The following FLI1 variants were observed in gnomAD, a reference collection of about 807,000 sequenced individuals.
FLI1 encodes the protein Fli-1 proto-oncogene, ETS transcription factor.
In FLI1, 13 loss-of-function variants were observed where a neutral mutation model predicts 53.1. The observed-to-expected ratio is 0.24, with a 90% confidence interval of 0.16 to 0.39. The LOEUF (loss-of-function observed/expected upper bound fraction) is 0.39, where lower values mean the gene tolerates loss of function less well. Ranked by LOEUF, FLI1 falls within the 10% of genes least tolerant of loss-of-function variation. The probability of loss-of-function intolerance (pLI) is 1.00; values close to 1 mark genes in which losing one functional copy is unlikely to be tolerated. For missense variants in FLI1, 424 were observed against 600.5 expected (o/e 0.71, Z 3.07); for synonymous variants, 244 against 236.7 (o/e 1.03, Z -0.28).
intron 1 of FLI1, among the ~76,000 whole-genome samples, chr11:128,738,598 C>A (rs577769836): frequency 6.6e-6 from 1 of 152,374 alleles, no homozygotes; most frequent in East Asian, 1.9e-4. Context: ...CACCCCACTT[C>A]AAGCTGTGTG....
At chr11:128,754,239 G>A (rs1393244654) in intron 1 of FLI1, among the ~76,000 whole-genome samples, 1 of 49,138 alleles carries the variant, frequency 2.0e-5, no homozygotes, top group Non-Finnish European at 4.3e-5. Flanking sequence ...AGGGGGATGT[G>A]TGTGTGTGTG....
At chr11:128,803,575 C>A (rs775831131) in intron 5 of FLI1, among the ~76,000 whole-genome samples, 2 of 152,198 alleles carry the variant, frequency 1.3e-5, no homozygotes, top group Admixed American at 1.3e-4. Context: ...GTCCTCCATG[C>A]CTTAGGCACA....
At chr11:128,777,861 C>T (rs1941787553) in intron 4 of FLI1, among the ~76,000 whole-genome samples, 1 of 152,190 alleles carries the variant, frequency 6.6e-6, no homozygotes, top group Non-Finnish European at 1.5e-5. Context: ...CAGGTGTCCC[C>T]GATGAAAAGC....
chr11:128,744,012 C>A lies in FLI1; in HGVS notation c.19-14103C>A, dbSNP rs925276032. 5.9e-5 allele frequency among the ~76,000 whole-genome samples: 9 copies of A among 152,248 alleles called. No homozygotes were observed. The South Asian group carries it at 8.3e-4, about 14-fold the overall frequency. ...TGCCAATGGAGGGACCAGCTGTGCA[C>A]CAGAGAGGGAGTCTGAGCTCTGTGA... On this transcript the variant is annotated intron_variant, in intron 1 of 8. Coordinates refer to ENST00000527786, the MANE Select transcript of FLI1 (RefSeq NM_002017.5).
At chr11:128,796,699 G>A (rs949449460) in intron 5 of FLI1, among the ~76,000 whole-genome samples, 2 of 152,250 alleles carry the variant, frequency 1.3e-5, no homozygotes, top group Admixed American at 6.5e-5. Context: ...TCTTGGCCGG[G>A]CGTGGTGGCT....
intron 1 of FLI1, among the ~76,000 whole-genome samples, chr11:128,752,214 G>T (rs1455754176): frequency 6.6e-6 from 1 of 151,986 alleles, no homozygotes; most frequent in Non-Finnish European, 1.5e-5. Flanking sequence ...GGCCTCAGAT[G>T]ATCTTCCCGC....
intron 1 of FLI1, among the ~76,000 whole-genome samples, chr11:128,730,798 G>T (rs1046861937): frequency 6.6e-6 from 1 of 152,240 alleles, no homozygotes; most frequent in Non-Finnish European, 1.5e-5. Flanking sequence ...TGGAATGAAT[G>T]GTTTTCCCAA....
At chr11:128,735,840 GT>G (rs773227200) in intron 1 of FLI1, among the ~76,000 whole-genome samples, 18 of 152,274 alleles carry the variant, frequency 1.2e-4, no homozygotes, top group Middle Eastern at 3.4e-3. Flanking sequence ...ATAATAAGAT[GT>G]TTTTCAAATT....
intron 1 of FLI1, among the ~76,000 whole-genome samples, chr11:128,726,497 G>C (rs940997649): frequency 1.3e-5 from 2 of 152,154 alleles, no homozygotes; most frequent in African/African-American, 4.8e-5. Context: ...TTCCTGGAGG[G>C]ACACTAACCA....
At chr11:128,737,194 C>T (rs554749013) in intron 1 of FLI1, among the ~76,000 whole-genome samples, 1 of 152,258 alleles carries the variant, frequency 6.6e-6, no homozygotes, top group South Asian at 2.1e-4. Context: ...GGGAGCAGGA[C>T]ACAGTAGGGG....
In FLI1 at chr11:128,719,356, C is replaced by CGTGTGTGTGTGTGT. The variant is rs56336914; in HGVS notation, c.18+25107_18+25120dup. 1.4e-3 allele frequency among the ~76,000 whole-genome samples: 198 copies of CGTGTGTGTGTGTGT among 145,300 alleles called. 1 individual carries two copies. Among genetic ancestry groups the CGTGTGTGTGTGTGT allele is most frequent in the Admixed American group, 2.4e-3 (35 of 14,312 alleles). On this transcript the variant is annotated intron_variant, in intron 1 of 8. Transcript: ENST00000527786. ...GTGTGTACTCTTTCTCCCCTTTTCC[C>CGTGTGTGTGTGTGT]GTGTGTGTGTGTGTGTGTGTGTGTG...
At chr11:128,780,982 A>G (rs1172355974) in intron 4 of FLI1, among the ~76,000 whole-genome samples, 1 of 152,240 alleles carries the variant, frequency 6.6e-6, no homozygotes, top group Non-Finnish European at 1.5e-5. Flanking sequence ...ACAACCTTGA[A>G]TTCACTTTAA....
intron 5 of FLI1, among the ~76,000 whole-genome samples, chr11:128,802,716 C>T (rs1334091831): frequency 1.3e-5 from 2 of 152,210 alleles, no homozygotes; most frequent in Non-Finnish European, 2.9e-5. Flanking sequence ...TTCCTAAGGC[C>T]CTGGGGCACC....
Position 128,807,240 on chromosome 11 carries a change from G to A in FLI1, c.781+1G>A. The A allele has an allele frequency of 6.3e-7, 1 of 1,597,908 alleles. No homozygotes were observed. The highest frequency in any genetic ancestry group is 8.5e-7 in the Non-Finnish European group (1 of 1,171,726). On this transcript the variant is annotated splice_donor_variant, in intron 7 of 8. Coordinates refer to ENST00000527786, the MANE Select transcript of FLI1 (RefSeq NM_002017.5). LOFTEE classifies it high-confidence loss of function. ...AATACAGAGCAACGGCCCCAGCCAG[G>A]TACCTGCCCAGGATATGTAATCTCT...
At chr11:128,789,153 G>C (rs554834965) in intron 5 of FLI1, among the ~76,000 whole-genome samples, 15 of 152,170 alleles carry the variant, frequency 9.9e-5, no homozygotes. Context: ...GGAAACCAGC[G>C]TGTTTGTTGG....
chr11:128,731,746 G>A (rs1326607948), intron 1 of FLI1, among the ~76,000 whole-genome samples: 1 of 152,196 alleles, frequency 6.6e-6, no homozygotes, highest in Non-Finnish European at 1.5e-5. Context: ...GCTCAGGCCT[G>A]TAATCCAGCA....
At chr11:128,711,549 A>C (rs775044973) in intron 1 of FLI1, among the ~76,000 whole-genome samples, 1 of 152,266 alleles carries the variant, frequency 6.6e-6, no homozygotes, top group Non-Finnish European at 1.5e-5. Context: ...TCAAAAGGAT[A>C]GTCACGAATC....
chr11:128,685,772 G>A (rs1212643824), upstream of FLI1, among the ~76,000 whole-genome samples: 1 of 138,026 alleles, frequency 7.2e-6, no homozygotes, highest in Non-Finnish European at 1.5e-5. Context: ...TGCTTTATCA[G>A]AAACACATTG....
chr11:128,709,915 T>C (rs1031156976), intron 1 of FLI1, among the ~76,000 whole-genome samples: 17 of 152,138 alleles, frequency 1.1e-4, no homozygotes, highest in African/African-American at 4.1e-4. Context: ...TTTAATTGGG[T>C]TGTGACAGTC....
Sources: allele counts gnomAD v4.1 joint callset (sites outside exome capture counted in the v4.1 genomes callset), GRCh38; gene constraint gnomAD v4.1.1; transcripts MANE v1.5; gene names NCBI Gene and HGNC (gene_info 2026-07-23, HGNC 2026-07-21).